ERC1: variants seen among roughly 807,000 people sequenced by gnomAD.
The protein encoded by ERC1 is RAB6 interacting protein 2.
Under a neutral mutation model 132.0 loss-of-function variants are expected in ERC1, and 56 were observed. The ratio of observed to expected loss-of-function variants is 0.42; its 90% CI spans 0.34 to 0.53. The LOEUF (loss-of-function observed/expected upper bound fraction) is 0.53, where lower values mean the gene tolerates loss of function less well. Among genes scored for constraint, ERC1 ranks in the 20% least tolerant of loss-of-function variants. The pLI is 0.03. For missense variants in ERC1, 1,202 were observed against 1,349.9 expected, an observed-to-expected ratio of 0.89 and a Z score of 1.72; for synonymous variants, 478 against 476.1, an observed-to-expected ratio of 1.00 and a Z score of -0.05.
At chr12:1,075,922 C>T (rs955312649) in intron 2 of ERC1, among the ~76,000 whole-genome samples, 1 of 152,106 alleles carries the variant, frequency 6.6e-6, no homozygotes, top group African/African-American at 2.4e-5. Context: ...TGTCAGCAGA[C>T]CCTCAAAGTT....
chr12:1,405,354 T>C (rs2091408446), intron 16 of ERC1, among the ~76,000 whole-genome samples: 1 of 151,726 alleles, frequency 6.6e-6, no homozygotes, highest in Admixed American at 6.6e-5. Flanking sequence ...TGTGCTTACA[T>C]TATTAGGTGA....
intron 15 of ERC1, among the ~76,000 whole-genome samples, chr12:1,293,474 C>T (rs1448165731): frequency 9.3e-6 from 1 of 107,030 alleles, no homozygotes; most frequent in Non-Finnish European, 2.0e-5. Context: ...ACAACAACAA[C>T]AACAATTAGC....
At chr12:1,388,137 G>A (rs1003163779) in intron 16 of ERC1, among the ~76,000 whole-genome samples, 5 of 152,132 alleles carry the variant, frequency 3.3e-5, no homozygotes, top group South Asian at 4.1e-4. Flanking sequence ...CGAGGCGGGC[G>A]GATCAGGAGG....
At chr12:1,402,614 A>AACACACACACACACACACACACACCAC (rs1555393206) in intron 16 of ERC1, among the ~76,000 whole-genome samples, 4 of 144,894 alleles carry the variant, frequency 2.8e-5, no homozygotes, top group African/African-American at 1.0e-4. Context: ...TGTAACCCCC[A>AACACACACACACACACACACACACCAC]ACACACACAC....
intron 17 of ERC1, among the ~76,000 whole-genome samples, chr12:1,419,361 G>A (rs141849879): frequency 1.1e-4 from 17 of 151,538 alleles, no homozygotes; most frequent in Non-Finnish European, 2.2e-4. Context: ...AAAATTATAC[G>A]TCCTGGATAC....
In ERC1 at chr12:1,044,655, A is replaced by G. The variant is rs139509852; in HGVS notation, c.669+16083A>G. On this transcript the variant is annotated intron_variant, in intron 2 of 18. Coordinates refer to ENST00000360905, the MANE Select transcript of ERC1 (RefSeq NM_178040.4). ...CATTTCTTAAATACAAATACATTTT[A>G]TAATATATTTTGAAGTATGAAATAT... 1.9e-4 allele frequency among the ~76,000 whole-genome samples: 29 copies of G among 152,342 alleles called. 1 individual carries two copies. The East Asian group carries it at 5.4e-3, about 28-fold the overall frequency.
At chr12:1,167,013 G>T (rs961778283) in intron 8 of ERC1, among the ~76,000 whole-genome samples, 1 of 152,154 alleles carries the variant, frequency 6.6e-6, no homozygotes, top group Admixed American at 6.5e-5. Context: ...GTGCTTATCT[G>T]TGTCGTTTCT....
Position 1,180,590 on chromosome 12 carries a change from C to G in ERC1, c.1788C>G (p.Ser596Arg). 1 of 1,614,042 alleles carries G rather than the reference C, an allele frequency of 6.2e-7. No homozygotes were observed. The highest frequency in any genetic ancestry group is 2.2e-5 in the East Asian group (1 of 44,882). ...GAGACAAGGAAAAGCAGATGAGCAG[C>G]TTGAAAGAACGGGTCAAATCCTTGC... ...QLRDKEKQMS[S>R]LKERVKSLQA... Residue 596 changes from serine to arginine, a missense_variant, in exon 9 of 19, where the codon AGC (serine) becomes AGG (arginine). By Grantham distance (110) the Ser-to-Arg change is moderately radical. Coordinates refer to ENST00000360905, the MANE Select transcript of ERC1 (RefSeq NM_178040.4).
intron 4 of ERC1, among the ~76,000 whole-genome samples, chr12:1,109,922 C>T (rs1362243779): frequency 6.6e-6 from 1 of 152,222 alleles, no homozygotes; most frequent in African/African-American, 2.4e-5. Context: ...GTAGCGTACA[C>T]TTGTAATCCC....
At chr12:1,273,649 T>C (rs2078036920) in intron 14 of ERC1, among the ~76,000 whole-genome samples, 1 of 150,016 alleles carries the variant, frequency 6.7e-6, no homozygotes, top group Non-Finnish European at 1.5e-5. Context: ...TTTTATTTAA[T>C]TTTAAGTAAA....
At chr12:1,023,268 C>G (rs1358195873) in intron 1 of ERC1, among the ~76,000 whole-genome samples, 1 of 152,054 alleles carries the variant, frequency 6.6e-6, no homozygotes, top group East Asian at 1.9e-4. Flanking sequence ...ACCTAGAAAT[C>G]AAAGCAACAG....
At chr12:1,136,821 TTC>T (rs199583071) in intron 7 of ERC1, among the ~76,000 whole-genome samples, 1,989 of 152,264 alleles carry the variant, frequency 0.013, 58 homozygotes, top group African/African-American at 0.045. Flanking sequence ...ATCCATGCAT[TTC>T]TCTCTGCCTT....
intron 14 of ERC1, among the ~76,000 whole-genome samples, chr12:1,268,292 G>T (rs1276196180): frequency 6.6e-6 from 1 of 151,984 alleles, no homozygotes; most frequent in Non-Finnish European, 1.5e-5. Context: ...TTATTAAATG[G>T]CAGTGTTGCT....
chr12:1,223,223 T>C (rs1422050813), intron 12 of ERC1, among the ~76,000 whole-genome samples: 2 of 152,188 alleles, frequency 1.3e-5, no homozygotes, highest in Non-Finnish European at 2.9e-5. Flanking sequence ...TGTCATAAGA[T>C]AGATTCAGTT....
intron 18 of ERC1, among the ~76,000 whole-genome samples, chr12:1,448,408 T>C (rs1254770448): frequency 1.3e-5 from 2 of 152,220 alleles, no homozygotes; most frequent in East Asian, 1.9e-4. Context: ...CATTTCGTGC[T>C]TCCTTACCCC....
intron 12 of ERC1, among the ~76,000 whole-genome samples, chr12:1,199,786 GA>G (rs374004649): frequency 0.022 from 2,886 of 128,962 alleles, 41 homozygotes; most frequent in Non-Finnish European, 0.034. Context: ...TCTCAGAAAA[GA>G]AAAAAAAAAA....
chr12:1,160,444 C>CT (rs1481553184), intron 8 of ERC1, among the ~76,000 whole-genome samples: 1 of 152,052 alleles, frequency 6.6e-6, no homozygotes, highest in Non-Finnish European at 1.5e-5. Flanking sequence ...CCTTAAAAAT[C>CT]TAAGATCAAG....
intron 14 of ERC1, among the ~76,000 whole-genome samples, chr12:1,287,801 C>G (rs566276540): frequency 1.3e-5 from 2 of 152,288 alleles, no homozygotes; most frequent in South Asian, 2.1e-4. Flanking sequence ...CCCTATAGAT[C>G]TTGTGATTCA....
rs1264949843 is a variant in ERC1, at chr12:1,218,855, C to CAT, written c.2352-17901_2352-17900dup. Among the ~76,000 whole-genome samples the CAT allele has an allele frequency of 2.4e-4, 33 of 140,144 alleles. 1 individual carries two copies. The highest frequency in any genetic ancestry group is 1.2e-3 in the East Asian group (6 of 4,862). 91.9% of individuals were successfully genotyped at this position (140,144 alleles called of 152,430 possible). On this transcript the variant is annotated intron_variant, in intron 12 of 18. Transcript: ENST00000360905. Reference sequence around the variant, plus strand: ...ATATACACACACACACACACACACACATATATATATATATTCTCAGACTTT... The same window carrying CAT: ...ATATACACACACACACACACACACACATATATATATATATATTCTCAGACTTT...
Sources: gnomAD v4.1 joint callset for allele counts (sites outside exome capture counted in the v4.1 genomes callset) on GRCh38, gnomAD v4.1.1 for gene constraint, MANE v1.5 for transcripts, NCBI Gene and HGNC (gene_info 2026-07-23, HGNC 2026-07-21) for gene names.